Variants in MARK3 observed in about 807,000 individuals in gnomAD.
The protein encoded by MARK3 is MAP/microtubule affinity-regulating kinase 3.
Under a neutral mutation model 90.1 loss-of-function variants are expected in MARK3, and 46 were observed. That is an observed-to-expected ratio of 0.51 (90% CI 0.40 to 0.65). The LOEUF is 0.65. Among genes scored for constraint, MARK3 ranks in the 30% least tolerant of loss-of-function variants. The probability of loss-of-function intolerance (pLI) is 0.00; values close to 1 mark genes in which losing one functional copy is unlikely to be tolerated. For missense variants in MARK3, 818 were observed against 947.2 expected (o/e 0.86, Z 1.79); for synonymous variants, 321 against 332.6 (o/e 0.97, Z 0.38).
At chr14:103,448,787 T>G in intron 3 of MARK3, 132 bp from the exon 4 acceptor site, 1 of 858,434 alleles carries the variant, frequency 1.2e-6, no homozygotes. Flanking sequence ...TAGTCTTAGA[T>G]ATGGATTAAT....
At chr14:103,439,052 A>AT in intron 3 of MARK3, among the ~76,000 whole-genome samples, 1 of 151,652 alleles carries the variant, frequency 6.6e-6, no homozygotes, top group Non-Finnish European at 1.5e-5. Context: ...TAGAAAACTG[A>AT]TTTGTTGTAT....
intron 3 of MARK3, among the ~76,000 whole-genome samples, chr14:103,444,507 G>A (rs1483204644): frequency 2.0e-5 from 3 of 152,146 alleles, no homozygotes; most frequent in Non-Finnish European, 2.9e-5. Context: ...GGCTGGGCGC[G>A]GTGGCTCACG....
At chr14:103,422,221 C>T (rs543749448) in intron 2 of MARK3, among the ~76,000 whole-genome samples, 1 of 152,096 alleles carries the variant, frequency 6.6e-6, no homozygotes, top group South Asian at 2.1e-4. Flanking sequence ...TTTGGGAAGC[C>T]GAGGCAGGCA....
At chr14:103,411,134 C>G (rs943992081) in intron 2 of MARK3, among the ~76,000 whole-genome samples, 2 of 152,134 alleles carry the variant, frequency 1.3e-5, no homozygotes, top group African/African-American at 4.8e-5. Context: ...ATTAGCTGGG[C>G]ATGGTGGCGG....
At chr14:103,460,104 T>TTTTTTA (rs869151389) in intron 6 of MARK3, among the ~76,000 whole-genome samples, 1 of 108,542 alleles carries the variant, frequency 9.2e-6, no homozygotes, top group East Asian at 2.4e-4. Flanking sequence ...TTTTTTTTTT[T>TTTTTTA]GAGACAAATC....
intron 1 of MARK3, among the ~76,000 whole-genome samples, chr14:103,389,413 A>G (rs924404633): frequency 2.7e-5 from 4 of 149,822 alleles, no homozygotes; most frequent in Non-Finnish European, 5.9e-5. Flanking sequence ...CTGTAATTCC[A>G]GCTACTCAGG....
chr14:103,404,487 A>G (rs573556119), intron 1 of MARK3, among the ~76,000 whole-genome samples: 1 of 152,034 alleles, frequency 6.6e-6, no homozygotes, highest in African/African-American at 2.4e-5. Context: ...GGGTAGAGAC[A>G]TATTGAGTAC....
chr14:103,395,375 T>G (rs959863147), intron 1 of MARK3, among the ~76,000 whole-genome samples: 3 of 150,842 alleles, frequency 2.0e-5, no homozygotes, highest in African/African-American at 4.9e-5. Flanking sequence ...ATTCAAGTTG[T>G]GTCTTGGTTT....
At chr14:103,451,822 G>GAA in intron 4 of MARK3, 96 bp from the exon 5 acceptor site, 1 of 768,728 alleles carries the variant, frequency 1.3e-6, no homozygotes, top group Non-Finnish European at 2.1e-6. Flanking sequence ...CTTTAACAGG[G>GAA]AAAAGGTTGC....
rs553250451 is a variant in MARK3 at position 103,391,531 on chromosome 14, T to C, written c.51+5451T>C. On this transcript the variant is annotated intron_variant, in intron 1 of 17. Coordinates refer to ENST00000429436, the MANE Select transcript of MARK3 (RefSeq NM_001128918.3). ...ATTCATACATTATAGTTGGCTGATA[T>C]GTCAAATATGCTTTTTTTTTTTTTT... Among the ~76,000 whole-genome samples, 6 of 149,984 alleles carry C rather than the reference T, an allele frequency of 4.0e-5. No homozygotes were observed. In the East Asian group the frequency reaches 1.2e-3, roughly 29 times the overall value.
chr14:103,442,969 T>G, intron 3 of MARK3, among the ~76,000 whole-genome samples: 9 of 135,580 alleles, frequency 6.6e-5, no homozygotes, highest in South Asian at 2.5e-4. Flanking sequence ...GACAAGGAAG[T>G]GAGAAGAGAG....
intron 6 of MARK3, among the ~76,000 whole-genome samples, chr14:103,460,071 A>ATTTTTTTTTTTTTTT (rs1566882596): frequency 2.2e-5 from 1 of 45,580 alleles, no homozygotes; most frequent in Non-Finnish European, 4.0e-5. Context: ...TTCCAGCTCC[A>ATTTTTTTTTTTTTTT]TCTTTTTTTT....
At chr14:103,443,493 T>G (rs1388604419) in intron 3 of MARK3, among the ~76,000 whole-genome samples, 2 of 152,200 alleles carry the variant, frequency 1.3e-5, no homozygotes, top group Non-Finnish European at 2.9e-5. Flanking sequence ...TCCCCAAAGA[T>G]TCACTAAATG....
chr14:103,391,507 T>A (rs1473579669), intron 1 of MARK3, among the ~76,000 whole-genome samples: 1 of 152,002 alleles, frequency 6.6e-6, no homozygotes, highest in South Asian at 2.1e-4. Flanking sequence ...CCAGCTTGAA[T>A]TCATACATTA....
At chr14:103,487,250 G>A (rs1361633517) in intron 14 of MARK3, among the ~76,000 whole-genome samples, 3 of 151,420 alleles carry the variant, frequency 2.0e-5, no homozygotes, top group Admixed American at 1.3e-4. Context: ...AGCACTTTGG[G>A]AGGCCAAGAC....
chr14:103,419,307 A>G (rs2092103857), intron 2 of MARK3, among the ~76,000 whole-genome samples: 2 of 152,078 alleles, frequency 1.3e-5, no homozygotes, highest in Admixed American at 1.3e-4. Flanking sequence ...AAATAAATAA[A>G]TAGAAAATTG....
chr14:103,480,036 G>T (rs768891114), intron 13 of MARK3, among the ~76,000 whole-genome samples: 1 of 152,034 alleles, frequency 6.6e-6, no homozygotes, highest in East Asian at 1.9e-4. Flanking sequence ...CAGGAGAATC[G>T]CTTGAACCCA....
At chr14:103,457,680 A>G (rs147213891) in intron 6 of MARK3, among the ~76,000 whole-genome samples, 109 of 152,348 alleles carry the variant, frequency 7.2e-4, no homozygotes, top group African/African-American at 2.5e-3. Flanking sequence ...TTTAATAAGC[A>G]GGTTTTAAGC....
At chr14:103,497,967 A>G (rs139035435) in intron 15 of MARK3, among the ~76,000 whole-genome samples, 180 of 152,340 alleles carry the variant, frequency 1.2e-3, no homozygotes, top group African/African-American at 4.1e-3. Context: ...CTGTAATCCC[A>G]ACACTCTGGG....
Sources: allele counts gnomAD v4.1 joint callset (sites outside exome capture counted in the v4.1 genomes callset), GRCh38; gene constraint gnomAD v4.1.1; transcripts MANE v1.5; gene names NCBI Gene and HGNC (gene_info 2026-07-23, HGNC 2026-07-21).